Variants in ROBO1 observed in about 807,000 individuals in gnomAD.
The protein encoded by ROBO1 is roundabout homolog 1.
In ROBO1, 149 loss-of-function variants were observed where a neutral mutation model predicts 195.9. The ratio of observed to expected loss-of-function variants is 0.76; its 90% CI spans 0.67 to 0.87. The LOEUF is 0.87. ROBO1 is among the 40% of genes least tolerant of loss of function. The probability of loss-of-function intolerance (pLI) is 0.00; values close to 1 mark genes in which losing one functional copy is unlikely to be tolerated. For missense variants in ROBO1, 1,933 were observed against 2,068.3 expected, an observed-to-expected ratio of 0.93 and a Z score of 1.27; for synonymous variants, 816 against 733.2, an observed-to-expected ratio of 1.11 and a Z score of -1.82.
At chr3:79,219,399 A>G (rs1038692842) in intron 2 of ROBO1, among the ~76,000 whole-genome samples, 3 of 152,002 alleles carry the variant, frequency 2.0e-5, no homozygotes, top group African/African-American at 7.2e-5. Context: ...TTTAATGGAC[A>G]TGTTAGCTTG....
chr3:79,584,331 G>C (rs1943753361), intron 2 of ROBO1, among the ~76,000 whole-genome samples: 1 of 149,278 alleles, frequency 6.7e-6, no homozygotes, highest in African/African-American at 2.4e-5. Flanking sequence ...AAGTACTGTT[G>C]AGCAGTTTTG....
At chr3:78,917,935 A>G (rs184063334) in intron 4 of ROBO1, among the ~76,000 whole-genome samples, 183 of 152,314 alleles carry the variant, frequency 1.2e-3, no homozygotes, top group Non-Finnish European at 2.3e-3. Flanking sequence ...ATTCATATTA[A>G]TATTTAAGGA....
chr3:78,866,956 C>T (rs192633343), intron 4 of ROBO1, among the ~76,000 whole-genome samples: 73 of 152,278 alleles, frequency 4.8e-4, no homozygotes, highest in Non-Finnish European at 8.5e-4. Flanking sequence ...TCCATTTGTG[C>T]TTCAGTTACC....
intron 4 of ROBO1, among the ~76,000 whole-genome samples, chr3:78,791,815 C>T (rs2084031008): frequency 6.6e-6 from 1 of 152,124 alleles, no homozygotes; most frequent in Non-Finnish European, 1.5e-5. Context: ...AGCAATGTTC[C>T]GTGTAATTAT....
chr3:79,415,418 C>T (rs748745358), intron 2 of ROBO1, among the ~76,000 whole-genome samples: 9 of 151,936 alleles, frequency 5.9e-5, no homozygotes, highest in Non-Finnish European at 1.0e-4. Context: ...GAAAGTGATG[C>T]GTAAGCAGAG....
At chr3:78,827,883 A>G (rs945388673) in intron 4 of ROBO1, among the ~76,000 whole-genome samples, 2 of 152,182 alleles carry the variant, frequency 1.3e-5, no homozygotes, top group Admixed American at 6.5e-5. Flanking sequence ...TTAAATGTTA[A>G]TCTAATCTGA....
chr3:78,938,959 A>G, intron 3 of ROBO1, 32 bp from the exon 4 acceptor site: 1 of 1,545,462 alleles, frequency 6.5e-7, no homozygotes, highest in Non-Finnish European at 8.8e-7. Flanking sequence ...ATCTTCGTAT[A>G]TCACTTGAAA....
intron 2 of ROBO1, among the ~76,000 whole-genome samples, chr3:79,193,169 G>A (rs2108759743): frequency 6.6e-6 from 1 of 151,734 alleles, no homozygotes; most frequent in African/African-American, 2.4e-5. Flanking sequence ...TGTTAAACTT[G>A]AAATGTCTGT....
chr3:79,147,130 T>C (rs1223141537), intron 2 of ROBO1, among the ~76,000 whole-genome samples: 1 of 151,888 alleles, frequency 6.6e-6, no homozygotes, highest in African/African-American at 2.4e-5. Context: ...TAATGGAAAA[T>C]TTTGATTTAA....
chr3:79,542,657 C>A (rs1942116760), intron 2 of ROBO1, among the ~76,000 whole-genome samples: 1 of 151,854 alleles, frequency 6.6e-6, no homozygotes, highest in African/African-American at 2.4e-5. Flanking sequence ...TCATTTAATC[C>A]TCAGGAAACT....
rs532163602 is a variant in ROBO1, at chr3:79,325,859, C to T, written c.89-200320G>A. 4.6e-5 allele frequency among the ~76,000 whole-genome samples: 7 copies of T among 152,242 alleles called. No individual in the cohort carries two copies. In the South Asian group the frequency reaches 6.2e-4, roughly 14 times the overall value. Reference sequence around the variant, plus strand: ...AGAGATAACCTTAAACTCTGACCACCGGTGAGCTGGGCGGAACAGAGCCAT... The same window carrying T: ...AGAGATAACCTTAAACTCTGACCACTGGTGAGCTGGGCGGAACAGAGCCAT... On this transcript the variant is annotated intron_variant, in intron 2 of 30. Coordinates refer to ENST00000464233, the MANE Select transcript of ROBO1 (RefSeq NM_002941.4).
At position 78,814,639 on chromosome 3, in the gene ROBO1, T is replaced by C. The variant is rs565049199; in HGVS notation, c.500-67739A>G. ...AGGCCAGCCCGCTCATAAACGATGA[T>C]GTAAAAAATTCCTAAGCAATATTTT... On this transcript the variant is annotated intron_variant, in intron 4 of 30. Coordinates refer to ENST00000464233, the MANE Select transcript of ROBO1 (RefSeq NM_002941.4). Among the ~76,000 whole-genome samples the C allele has an allele frequency of 2.2e-4, 33 of 152,196 alleles. No individual in the cohort carries two copies. In the East Asian group the frequency reaches 3.7e-3, roughly 17 times the overall value.
chr3:79,232,302 C>T (rs1428303278), intron 2 of ROBO1, among the ~76,000 whole-genome samples: 1 of 139,886 alleles, frequency 7.1e-6, no homozygotes, highest in Admixed American at 7.1e-5. Flanking sequence ...AAAGAGGTAA[C>T]AAAAAAGAAG....
chr3:78,815,913 C>T (rs2084886923), intron 4 of ROBO1, among the ~76,000 whole-genome samples: 1 of 151,764 alleles, frequency 6.6e-6, no homozygotes, highest in South Asian at 2.1e-4. Context: ...GTTGATAATG[C>T]ATATAGAGAT....
At chr3:79,060,499 C>CT in intron 3 of ROBO1, among the ~76,000 whole-genome samples, 1 of 152,088 alleles carries the variant, frequency 6.6e-6, no homozygotes, top group African/African-American at 2.4e-5. Flanking sequence ...TAAAATTTCT[C>CT]TTTTTTGTGC....
chr3:79,582,055 G>A (rs1212732806), intron 2 of ROBO1, among the ~76,000 whole-genome samples: 1 of 151,812 alleles, frequency 6.6e-6, no homozygotes, highest in Non-Finnish European at 1.5e-5. Flanking sequence ...TGTATGGTAA[G>A]TTTAAGTGGC....
intron 1 of ROBO1, among the ~76,000 whole-genome samples, chr3:79,736,949 A>C (rs1703417302): frequency 6.6e-6 from 1 of 152,208 alleles, no homozygotes; most frequent in African/African-American, 2.4e-5. Flanking sequence ...AATATATTTC[A>C]ATAGACTTCT....
intron 2 of ROBO1, among the ~76,000 whole-genome samples, chr3:79,158,487 T>C (rs2080897357): frequency 6.6e-6 from 1 of 151,694 alleles, no homozygotes; most frequent in Non-Finnish European, 1.5e-5. Context: ...ATACTTCTTT[T>C]TTTTAAATTT....
At chr3:79,622,905 G>A (rs998066909) in intron 1 of ROBO1, among the ~76,000 whole-genome samples, 1 of 152,192 alleles carries the variant, frequency 6.6e-6, no homozygotes, top group Non-Finnish European at 1.5e-5. Context: ...CTATACAGGA[G>A]CAATCCTACT....
Sources: gnomAD v4.1 joint callset for allele counts (sites outside exome capture counted in the v4.1 genomes callset) on GRCh38, gnomAD v4.1.1 for gene constraint, MANE v1.5 for transcripts, NCBI Gene and HGNC (gene_info 2026-07-23, HGNC 2026-07-21) for gene names.